ZNF264: variants seen among roughly 807,000 people sequenced by gnomAD.
The protein encoded by ZNF264 is zinc finger protein 264.
In ZNF264, 11 loss-of-function variants were observed where a neutral mutation model predicts 11.2. The observed-to-expected ratio is 0.98, with a 90% CI of 0.62 to 1.63. The LOEUF (loss-of-function observed/expected upper bound fraction) is 1.63. Among genes scored for constraint, ZNF264 ranks in the 40% most tolerant of loss-of-function variants. ZNF264 has a pLI of 0.00. For synonymous variants in ZNF264, 309 were observed against 279.8 expected, an observed-to-expected ratio of 1.10 and a Z score of -1.04; for missense variants, 752 against 768.1, an observed-to-expected ratio of 0.98 and a Z score of 0.25.
At chr19:57,205,713 G>A (rs8110121) in intron 3 of ZNF264, among the ~76,000 whole-genome samples, 42,659 of 152,116 alleles carry the variant, frequency 0.28, 6,395 homozygotes, top group Middle Eastern at 0.4. Context: ...CCATGCCTGG[G>A]AAGAAGTGAG....
At chr19:57,203,671 T>C (rs1228066633) in intron 2 of ZNF264, among the ~76,000 whole-genome samples, 2 of 152,100 alleles carry the variant, frequency 1.3e-5, no homozygotes, top group Non-Finnish European at 2.9e-5. Context: ...GAACGTTCAG[T>C]TTTTTAAATT....
chr19:57,212,037 T>C lies in ZNF264; in HGVS notation c.940T>C (p.Ser314Pro), dbSNP rs776926937. 3 of 1,611,780 alleles carry C rather than the reference T, an allele frequency of 1.9e-6. No homozygotes were observed. Among genetic ancestry groups the C allele is most frequent in the Middle Eastern group, 1.7e-4 (1 of 6,036 alleles). The change falls in exon 4 of 4, where the codon TCC (serine) becomes CCC (proline). Residue 314 changes from serine (S) to proline (P), a missense_variant. Transcript: ENST00000263095. ...LHNRRHTGEK[S>P]FVCTECGQVF... ...TAACAGGAGACACACTGGAGAAAAA[T>C]CCTTTGTGTGCACAGAATGTGGCCA...
At chr19:57,199,995 C>T (rs577356071) in intron 2 of ZNF264, among the ~76,000 whole-genome samples, 3 of 93,498 alleles carry the variant, frequency 3.2e-5, no homozygotes, top group East Asian at 2.1e-4. Flanking sequence ...TATTAAACCT[C>T]CACTCCTAAA....
At position 57,212,197 on chromosome 19, in the gene ZNF264, G is replaced by A; in HGVS notation, c.1100G>A (p.Gly367Glu). ...YLMWHQQTHT[G>E]EKPYECSECG... ...ATGTGGCACCAGCAGACTCATACCG[G>A]GGAGAAGCCCTATGAGTGCAGTGAA... is the stretch of plus-strand genomic sequence containing the variant. Residue 367 changes from glycine to glutamate, a missense_variant, in exon 4 of 4, where the codon GGG (glycine) becomes GAG (glutamate). Gly to Glu is a moderately conservative substitution (Grantham distance 98, BLOSUM62 -2). Coordinates refer to ENST00000263095, the MANE Select transcript of ZNF264 (RefSeq NM_003417.5). The A allele has an allele frequency of 3.1e-6, 5 of 1,614,140 alleles. No individual in the cohort carries two copies. The highest frequency in any genetic ancestry group is 4.2e-6 in the Non-Finnish European group (5 of 1,180,020).
rs1471214258 is a variant in ZNF264, at chr19:57,216,408, T to C, written c.*3427T>C. On this transcript the variant is annotated 3_prime_UTR_variant, in exon 4 of 4. Transcript: ENST00000263095. The stretch of plus-strand genomic sequence containing the variant: ...GTGGAAGTGTGTTGCTCTTTCAAGT[T>C]CTATCACTTTTTGTTTGCAAAGTTC... 1 of 152,226 alleles carries C rather than the reference T, an allele frequency of 6.6e-6. No homozygotes were observed. Among genetic ancestry groups the C allele is most frequent in the Non-Finnish European group, 1.5e-5 (1 of 68,040 alleles). 9.4% of individuals were successfully genotyped at this position (152,226 alleles called of 1,614,324 possible). A position where few individuals can be genotyped will look rare whatever the true frequency, so the allele number is the denominator to read the frequency against.
At chr19:57,196,631 G>C (rs888068797) in intron 2 of ZNF264, among the ~76,000 whole-genome samples, 3 of 151,906 alleles carry the variant, frequency 2.0e-5, no homozygotes, top group African/African-American at 7.3e-5. Flanking sequence ...TGACAGGGGT[G>C]GCTGGGGAAA....
chr19:57,209,671 G>A (rs750008557), intron 3 of ZNF264, among the ~76,000 whole-genome samples: 14 of 152,116 alleles, frequency 9.2e-5, no homozygotes, highest in Admixed American at 3.9e-4. Flanking sequence ...TGAATTTTGC[G>A]GCTGAAGCAA....
chr19:57,195,029 G>C, intron 2 of ZNF264: 1 of 380,364 alleles, frequency 2.6e-6, no homozygotes. Context: ...GTTAACACAG[G>C]ATGGGAAGCC....
chr19:57,194,827 C>T, intron 2 of ZNF264: 1 of 400,210 alleles, frequency 2.5e-6, no homozygotes, highest in East Asian at 3.6e-5. Flanking sequence ...ATCAAGTTGA[C>T]ACATTAATAA....
At position 57,213,489 on chromosome 19, in the gene ZNF264, CAGTA is replaced by C. The variant is rs888367597; in HGVS notation, c.*511_*514del. 1.9e-5 allele frequency: 3 copies of C among 153,902 alleles called. No homozygotes were observed. The highest frequency in any genetic ancestry group is 7.2e-5 in the African/African-American group (3 of 41,436). 9.5% of individuals were successfully genotyped at this position (153,902 alleles called of 1,614,324 possible). A position where few individuals can be genotyped will look rare whatever the true frequency, so the allele number is the denominator to read the frequency against. On this transcript the variant is annotated 3_prime_UTR_variant, in exon 4 of 4. Coordinates refer to ENST00000263095, the MANE Select transcript of ZNF264 (RefSeq NM_003417.5). ...AGCCATGAAATACTCACGTTTAAGT[CAGTA>C]AGGATACACATGTTAACATTCAGGC...
At chr19:57,207,712 G>A (rs1014064386) in intron 3 of ZNF264, among the ~76,000 whole-genome samples, 4 of 149,644 alleles carry the variant, frequency 2.7e-5, no homozygotes, top group South Asian at 2.1e-4. Context: ...TTGTTTGCTC[G>A]CTTGTTTGTT....
At chr19:57,192,346 T>G in intron 1 of ZNF264, 1 of 985,320 alleles carries the variant, frequency 1.0e-6, no homozygotes, top group Non-Finnish European at 1.2e-6. Flanking sequence ...AAGGTTGCCA[T>G]GGTTTTCCTG....
rs1344381120 is a variant in ZNF264, at chr19:57,211,495, C to T, written c.398C>T (p.Ser133Leu). ...CAAGCCGAGGATCAGGATGGGCTATCAGAAATGCAGGAAGGACACTTCAGA... is the reference window on the plus strand; with the variant it reads ...CAAGCCGAGGATCAGGATGGGCTATTAGAAATGCAGGAAGGACACTTCAGA... ...LGQAEDQDGL[S>L]EMQEGHFRPG... is the part of the protein sequence containing the mutation. The change falls in exon 4 of 4, where the codon TCA (serine) becomes TTA (leucine). Residue 133 changes from serine (S) to leucine (L), a missense_variant. Transcript: ENST00000263095. 1.2e-6 allele frequency: 2 copies of T among 1,614,056 alleles called. No homozygotes were observed. The highest frequency in any genetic ancestry group is 1.7e-6 in the Non-Finnish European group (2 of 1,180,020).
At chr19:57,210,853 G>A (rs780244107) in intron 3 of ZNF264, among the ~76,000 whole-genome samples, 8 of 152,086 alleles carry the variant, frequency 5.3e-5, no homozygotes, top group Non-Finnish European at 1.0e-4. Context: ...AGGGCCATTG[G>A]GTCCCACCAT....
intron 1 of ZNF264, among the ~76,000 whole-genome samples, chr19:57,193,076 A>T (rs1052321257): frequency 1.3e-5 from 2 of 152,156 alleles, no homozygotes; most frequent in Admixed American, 6.5e-5. Flanking sequence ...TTAATGTTAG[A>T]AATGAGTGGA....
At position 57,218,286 on chromosome 19, in the gene ZNF264, C is replaced by G. The variant is rs143891629; in HGVS notation, c.*5305C>G. The G allele has an allele frequency of 6.6e-6, 1 of 152,268 alleles. No homozygotes were observed. The highest frequency in any genetic ancestry group is 1.9e-4 in the East Asian group (1 of 5,182). 9.4% of individuals were successfully genotyped at this position (152,268 alleles called of 1,614,324 possible). A position where few individuals can be genotyped will look rare whatever the true frequency, so the allele number is the denominator to read the frequency against. ...TTTCTTTTAGACTTCAGAGATGTAT[C>G]TCTCTGTTCTGTACATTATTGTTTA... On this transcript the variant is annotated 3_prime_UTR_variant, in exon 4 of 4. Transcript: ENST00000263095.
At chr19:57,205,368 A>G (rs770416908) in intron 2 of ZNF264, 29 bp from the exon 3 acceptor site, 55 of 1,584,716 alleles carry the variant, frequency 3.5e-5, no homozygotes, top group Non-Finnish European at 4.6e-5. Flanking sequence ...ACCCACATCC[A>G]TGTGTCCACT....
rs1182087503 is a variant in ZNF264, at chr19:57,217,226, G to A, written c.*4245G>A. The A allele has an allele frequency of 2.6e-5, 4 of 152,168 alleles. No individual in the cohort carries two copies. The highest frequency in any genetic ancestry group is 4.4e-5 in the Non-Finnish European group (3 of 68,034). The allele number at this position is 152,168 out of a possible 1,614,324, so 9.4% of individuals were successfully genotyped here. On this transcript the variant is annotated 3_prime_UTR_variant, in exon 4 of 4. Transcript: ENST00000263095. ...AACCATCCTAAGTCAGGGACTGTCT[G>A]TATATATCTGCATTTTTTAGTGATT...
intron 2 of ZNF264, among the ~76,000 whole-genome samples, chr19:57,205,144 G>A (rs1440316407): frequency 6.9e-6 from 1 of 145,812 alleles, no homozygotes. Context: ...AATGAAAAGA[G>A]TCAATATTTA....
Sources: allele counts gnomAD v4.1 joint callset (sites outside exome capture counted in the v4.1 genomes callset), GRCh38; gene constraint gnomAD v4.1.1; transcripts MANE v1.5; gene names NCBI Gene and HGNC (gene_info 2026-07-23, HGNC 2026-07-21).